The following FCHSD2 variants were observed in gnomAD, a reference collection of about 807,000 sequenced individuals.
The protein encoded by FCHSD2 is FCH and double SH3 domains 2, also known as F-BAR and double SH3 domains protein 2.
FCHSD2 carries 38 observed loss-of-function variants against 108.1 expected under a neutral mutation model. The observed-to-expected ratio is 0.35, with a 90% confidence interval of 0.27 to 0.46. FCHSD2 has a LOEUF of 0.46. Among genes scored for constraint, FCHSD2 ranks in the 20% least tolerant of loss-of-function variants. FCHSD2 has a pLI of 1.00. For synonymous variants in FCHSD2, 279 were observed against 314.7 expected (o/e 0.89, Z 1.20); for missense variants, 751 against 897.8 (o/e 0.84, Z 2.09).
intron 3 of FCHSD2, among the ~76,000 whole-genome samples, chr11:73,053,944 C>T (rs566786272): frequency 5.1e-4 from 78 of 152,164 alleles, no homozygotes; most frequent in African/African-American, 1.9e-3. Flanking sequence ...TTTACTCATC[C>T]AATAATTCAC....
Position 72,959,853 on chromosome 11 carries a change from G to GGGGTGT in FCHSD2, c.705+24234_705+24235insACACCC, listed in dbSNP as rs375788859. Among the ~76,000 whole-genome samples, 117 of 145,892 alleles carry GGGGTGT rather than the reference G, an allele frequency of 8.0e-4. 1 individual carries two copies. Among genetic ancestry groups the GGGGTGT allele is most frequent in the East Asian group, 3.5e-3 (17 of 4,906 alleles). ...AATTTCCCTGATTTTAAGTTTCTAG[G>GGGGTGT]GTGTGTGTGTGTGTGTGTGTGTGTG... On this transcript the variant is annotated intron_variant, in intron 8 of 19. Coordinates refer to ENST00000409418, the MANE Select transcript of FCHSD2 (RefSeq NM_014824.3).
intron 9 of FCHSD2, among the ~76,000 whole-genome samples, chr11:72,920,749 T>C (rs1855962296): frequency 6.6e-6 from 1 of 152,220 alleles, no homozygotes. Context: ...ATATACATAC[T>C]ACATAGATTC....
At chr11:72,975,260 A>G (rs1040607217) in intron 8 of FCHSD2, among the ~76,000 whole-genome samples, 3 of 152,168 alleles carry the variant, frequency 2.0e-5, no homozygotes, top group Non-Finnish European at 2.9e-5. Flanking sequence ...GCTATTGTGA[A>G]TAGTGCTATA....
At chr11:73,059,190 C>T (rs1859103923) in intron 3 of FCHSD2, among the ~76,000 whole-genome samples, 1 of 151,882 alleles carries the variant, frequency 6.6e-6, no homozygotes, top group Non-Finnish European at 1.5e-5. Context: ...GGGATGAAAG[C>T]AAAATGATTT....
At chr11:73,096,970 A>G (rs1591550355) in intron 2 of FCHSD2, among the ~76,000 whole-genome samples, 1 of 70,310 alleles carries the variant, frequency 1.4e-5, no homozygotes, top group South Asian at 5.3e-4. Context: ...TACTAATGTG[A>G]TGTATTTCAT....
chr11:72,983,874 T>C (rs1857262526), intron 8 of FCHSD2: 1 of 645,366 alleles, frequency 1.5e-6, no homozygotes, highest in African/African-American at 1.8e-5. Flanking sequence ...TATAATCCTT[T>C]ACTGTGACTT....
rs1315929269 is a variant in FCHSD2 at position 73,142,156 on chromosome 11, A to AGGGGGC, written c.-285_-280dup. On this transcript the variant is annotated 5_prime_UTR_variant, in exon 1 of 20. Coordinates refer to ENST00000409418, the MANE Select transcript of FCHSD2 (RefSeq NM_014824.3). ...TGTGAGGAAGGAGGCGGAGACGGCGAGGGGGCGGGGGCCCCAGGAGCAGGG... is the reference window on the plus strand; with the variant it reads ...TGTGAGGAAGGAGGCGGAGACGGCGAGGGGGCGGGGGCGGGGGCCCCAGGAGCAGGG... 5 of 263,174 alleles carry AGGGGGC rather than the reference A, an allele frequency of 1.9e-5. No individual in the cohort carries two copies. Among genetic ancestry groups the AGGGGGC allele is most frequent in the African/African-American group, 1.1e-4 (5 of 43,738 alleles). The allele number at this position is 263,174 out of a possible 1,614,324, so 16.3% of individuals were successfully genotyped here.
At chr11:72,888,407 G>C (rs561860830) in intron 11 of FCHSD2, among the ~76,000 whole-genome samples, 2 of 152,260 alleles carry the variant, frequency 1.3e-5, no homozygotes, top group East Asian at 3.9e-4. Flanking sequence ...GGAAAGGACA[G>C]GAAAGCTCAA....
intron 8 of FCHSD2, among the ~76,000 whole-genome samples, chr11:72,938,945 T>C (rs1856358187): frequency 6.6e-6 from 1 of 152,174 alleles, no homozygotes; most frequent in Non-Finnish European, 1.5e-5. Context: ...ATAGTAAGGA[T>C]AGGGTCACAG....
intron 3 of FCHSD2, among the ~76,000 whole-genome samples, chr11:73,039,518 A>AAC (rs1858581221): frequency 2.2e-5 from 1 of 45,378 alleles, no homozygotes; most frequent in South Asian, 1.7e-3. Flanking sequence ...CTCCGTCTCC[A>AAC]AAAAAAAAAA....
Position 72,841,472 on chromosome 11 carries a change from G to A in FCHSD2, c.2038C>T (p.Arg680Trp), listed in dbSNP as rs746736841. The A allele has an allele frequency of 1.2e-5, 20 of 1,610,616 alleles. No homozygotes were observed. The highest frequency in any genetic ancestry group is 1.4e-5 in the Non-Finnish European group (16 of 1,178,518). Reference sequence around the variant, plus strand: ...CCCTTACCGTTTGCTGAAGGAGACCGGGGAAAGTACAGGGAGCTCCTCTTA... The same window carrying A: ...CCCTTACCGTTTGCTGAAGGAGACCAGGGAAAGTACAGGGAGCTCCTCTTA... ...PDKRSSLYFP[R>W]SPSANEKSLH... Residue 680 changes from arginine (R) to tryptophan (W), a missense_variant, in exon 18 of 20, where the codon CGG becomes TGG. Arg to Trp is a moderately radical substitution (Grantham distance 101). Transcript: ENST00000409418.
chr11:72,860,740 C>T (rs1256242056), intron 13 of FCHSD2, among the ~76,000 whole-genome samples: 1 of 151,786 alleles, frequency 6.6e-6, no homozygotes, highest in Non-Finnish European at 1.5e-5. Flanking sequence ...ATAAGAATCA[C>T]CTGGGAGGAG....
chr11:73,120,982 T>G (rs1860720786), intron 2 of FCHSD2, among the ~76,000 whole-genome samples: 1 of 152,100 alleles, frequency 6.6e-6, no homozygotes, highest in African/African-American at 2.4e-5. Flanking sequence ...TTGTTATTGT[T>G]CAACGTTTGT....
intron 10 of FCHSD2, among the ~76,000 whole-genome samples, chr11:72,899,827 GA>G (rs1855491830): frequency 6.8e-6 from 1 of 147,130 alleles, no homozygotes; most frequent in Admixed American, 6.8e-5. Context: ...TTTCCATTAT[GA>G]AAAAACTAAT....
intron 6 of FCHSD2, among the ~76,000 whole-genome samples, chr11:72,985,407 T>C (rs1420742612): frequency 6.7e-6 from 1 of 148,254 alleles, no homozygotes; most frequent in Non-Finnish European, 1.5e-5. Context: ...AATATATTGG[T>C]GTCTCCTAAT....
intron 12 of FCHSD2, among the ~76,000 whole-genome samples, chr11:72,872,188 C>T (rs1414615389): frequency 6.6e-6 from 1 of 151,718 alleles, no homozygotes; most frequent in Non-Finnish European, 1.5e-5. Context: ...TTGCAAAAAT[C>T]TGCTTATTCT....
intron 2 of FCHSD2, among the ~76,000 whole-genome samples, chr11:73,090,500 C>T (rs1859930575): frequency 6.6e-6 from 1 of 152,154 alleles, no homozygotes; most frequent in African/African-American, 2.4e-5. Flanking sequence ...GCTGGGATTA[C>T]AGGCGTGAGC....
intron 5 of FCHSD2, among the ~76,000 whole-genome samples, chr11:72,998,222 A>C (rs1315806479): frequency 2.0e-5 from 3 of 152,162 alleles, no homozygotes; most frequent in Admixed American, 2.0e-4. Flanking sequence ...AGGTAGTAAA[A>C]TACTAATTCA....
At chr11:72,905,300 T>C (rs1408561201) in intron 9 of FCHSD2, among the ~76,000 whole-genome samples, 4 of 152,216 alleles carry the variant, frequency 2.6e-5, no homozygotes, top group Non-Finnish European at 4.4e-5. Context: ...TGTGGGTATA[T>C]AGTAGGTATT....
Sources: allele counts gnomAD v4.1 joint callset (sites outside exome capture counted in the v4.1 genomes callset), GRCh38; gene constraint gnomAD v4.1.1; transcripts MANE v1.5; gene names NCBI Gene and HGNC (gene_info 2026-07-23, HGNC 2026-07-21).